Variants in TNFRSF19 observed in about 807,000 individuals in gnomAD.
TNFRSF19 encodes the protein TNF receptor superfamily member 19.
TNFRSF19 carries 27 observed loss-of-function variants against 46.4 expected under a neutral mutation model. That is an observed-to-expected ratio of 0.58 (90% CI 0.43 to 0.80). The LOEUF is 0.80. Ranked by LOEUF, TNFRSF19 falls within the 30% of genes least tolerant of loss-of-function variation. The probability of loss-of-function intolerance (pLI) is 0.00; values close to 1 mark genes in which losing one functional copy is unlikely to be tolerated. For missense variants in TNFRSF19, 511 were observed against 530.8 expected (o/e 0.96, Z 0.37); for synonymous variants, 204 against 205.0 (o/e 1.00, Z 0.04).
At chr13:23,651,604 G>T (rs1324646890) in intron 5 of TNFRSF19, among the ~76,000 whole-genome samples, 2 of 152,120 alleles carry the variant, frequency 1.3e-5, no homozygotes, top group African/African-American at 2.4e-5. Context: ...CTCATTTTAT[G>T]ATACCACATA....
At chr13:23,587,286 G>A (rs1878912880) in intron 1 of TNFRSF19, among the ~76,000 whole-genome samples, 1 of 151,958 alleles carries the variant, frequency 6.6e-6, no homozygotes, top group Non-Finnish European at 1.5e-5. Flanking sequence ...TTTTCTGAAT[G>A]CCAAATAATT....
chr13:23,651,660 GT>G (rs1162931833), intron 5 of TNFRSF19, among the ~76,000 whole-genome samples: 2 of 151,982 alleles, frequency 1.3e-5, no homozygotes, highest in Non-Finnish European at 2.9e-5. Context: ...GCCATATGTT[GT>G]TTTTTACTGC....
chr13:23,661,477 A>C (rs960196544), intron 7 of TNFRSF19, among the ~76,000 whole-genome samples: 2 of 152,168 alleles, frequency 1.3e-5, no homozygotes, highest in African/African-American at 4.8e-5. Context: ...TGTCTTTGCT[A>C]TTGTGAATAG....
chr13:23,637,745 G>C (rs1882777181), intron 5 of TNFRSF19, among the ~76,000 whole-genome samples: 1 of 152,252 alleles, frequency 6.6e-6, no homozygotes, highest in Admixed American at 6.5e-5. Flanking sequence ...TCTTCAAATA[G>C]TGCAGTGAGG....
chr13:23,632,579 A>G lies in TNFRSF19; in HGVS notation c.445+5787A>G, dbSNP rs562290117. ...AGAGTTCCTTGGTTTTCTTTACTGT[A>G]TCTCTTTCTTTTTGTCAATAACATG... On this transcript the variant is annotated intron_variant, in intron 5 of 9. Coordinates refer to ENST00000248484, the MANE Select transcript of TNFRSF19 (RefSeq NM_148957.4). 5.9e-5 allele frequency among the ~76,000 whole-genome samples: 9 copies of G among 152,166 alleles called. No individual in the cohort carries two copies. In the East Asian group the frequency reaches 1.7e-3, roughly 29 times the overall value.
intron 3 of TNFRSF19, among the ~76,000 whole-genome samples, chr13:23,612,116 C>G: frequency 6.6e-6 from 1 of 152,038 alleles, no homozygotes; most frequent in Admixed American, 6.5e-5. Context: ...TTTCAGTATA[C>G]GAATGATAAA....
intron 5 of TNFRSF19, among the ~76,000 whole-genome samples, chr13:23,628,316 C>T (rs968852380): frequency 1.1e-4 from 16 of 152,116 alleles, no homozygotes; most frequent in Non-Finnish European, 1.5e-4. Context: ...TTAAAGAAAA[C>T]GCTAAAAATC....
chr13:23,628,709 G>A (rs1393792901), intron 5 of TNFRSF19, among the ~76,000 whole-genome samples: 3 of 151,972 alleles, frequency 2.0e-5, no homozygotes, highest in African/African-American at 4.8e-5. Flanking sequence ...GTCTTGTGAC[G>A]TCCTTACTAA....
intron 3 of TNFRSF19, among the ~76,000 whole-genome samples, chr13:23,611,229 GGAACAGCA>G (rs1332746601): frequency 1.3e-5 from 2 of 152,094 alleles, no homozygotes; most frequent in East Asian, 3.8e-4. Flanking sequence ...ACTGGACAGT[GGAACAGCA>G]GATTTTACTC....
At chr13:23,640,944 T>C (rs1439303400) in intron 5 of TNFRSF19, among the ~76,000 whole-genome samples, 2 of 152,248 alleles carry the variant, frequency 1.3e-5, no homozygotes, top group Non-Finnish European at 2.9e-5. Context: ...TGTTTCTTAA[T>C]GTTCATTAAT....
chr13:23,626,594 C>G (rs1882027189), intron 4 of TNFRSF19, 113 bp from the exon 5 acceptor site: 2 of 908,004 alleles, frequency 2.2e-6, no homozygotes, highest in South Asian at 3.3e-5. Context: ...ATTATTTAAG[C>G]CTCTGTGTAC....
Position 23,614,746 on chromosome 13 carries a change from C to CATATATATATATATATATATAT in TNFRSF19, c.181-1119_181-1098dup, listed in dbSNP as rs59117822. ...AGCCGCTTCCTGTGGATAAGTAATA[C>CATATATATATATATATATATAT]ATATATATATATATATATATATAGT... On this transcript the variant is annotated intron_variant, in intron 3 of 9. Coordinates refer to ENST00000248484, the MANE Select transcript of TNFRSF19 (RefSeq NM_148957.4). 5.2e-3 allele frequency among the ~76,000 whole-genome samples: 697 copies of CATATATATATATATATATATAT among 134,676 alleles called. 11 individuals carry two copies. The highest frequency in any genetic ancestry group is 8.8e-3 in the African/African-American group (312 of 35,466). The allele number at this position is 134,676 out of a possible 152,430, so 88.4% of individuals were successfully genotyped here.
At chr13:23,634,458 A>G (rs763205185) in intron 5 of TNFRSF19, among the ~76,000 whole-genome samples, 3 of 152,188 alleles carry the variant, frequency 2.0e-5, no homozygotes, top group Non-Finnish European at 4.4e-5. Flanking sequence ...AAAGGGCATC[A>G]CTAAATTAAA....
chr13:23,670,994 T>C (rs1301125475), intron 9 of TNFRSF19, among the ~76,000 whole-genome samples: 1 of 152,246 alleles, frequency 6.6e-6, no homozygotes, highest in Non-Finnish European at 1.5e-5. Flanking sequence ...TTGCCAAGAC[T>C]AAGGAATGAA....
chr13:23,592,154 G>A (rs1752323049), intron 2 of TNFRSF19, among the ~76,000 whole-genome samples: 1 of 152,136 alleles, frequency 6.6e-6, no homozygotes, highest in Admixed American at 6.5e-5. Flanking sequence ...AGGTGGAGAA[G>A]GTTTGTACAG....
chr13:23,595,829 TAAAGGAAA>T (rs1286970354), intron 3 of TNFRSF19, among the ~76,000 whole-genome samples: 3 of 151,510 alleles, frequency 2.0e-5, no homozygotes, highest in Admixed American at 2.0e-4. Flanking sequence ...AAGGTTGAAA[TAAAGGAAA>T]AAATGTTAAG....
chr13:23,605,716 G>A (rs191019906), intron 3 of TNFRSF19, among the ~76,000 whole-genome samples: 130 of 152,286 alleles, frequency 8.5e-4, no homozygotes, highest in African/African-American at 3.0e-3. Flanking sequence ...GGAAAAGTCT[G>A]CTTCCTGTAT....
At position 23,582,269 on chromosome 13, in the gene TNFRSF19, C is replaced by T. The variant is rs866377156; in HGVS notation, c.-34-7881C>T. 5.0e-4 allele frequency among the ~76,000 whole-genome samples: 74 copies of T among 147,650 alleles called. 1 individual carries two copies. Among genetic ancestry groups the T allele is most frequent in the Non-Finnish European group, 8.9e-4 (60 of 67,318 alleles). ...AAAAAAAATTAGCCGGGCGTGGTGG[C>T]GGGCGCCTGTAGTCCCAGCTACTCG... On this transcript the variant is annotated intron_variant, in intron 1 of 9. Coordinates refer to ENST00000248484, the MANE Select transcript of TNFRSF19 (RefSeq NM_148957.4).
chr13:23,593,522 TTTGAG>T, intron 3 of TNFRSF19, 67 bp downstream of exon 3: 1 of 1,035,160 alleles, frequency 9.7e-7, no homozygotes, highest in Non-Finnish European at 1.5e-6. Context: ...AACTCAATTC[TTTGAG>T]TTAATTATTA....
Sources: gnomAD v4.1 joint callset for allele counts (sites outside exome capture counted in the v4.1 genomes callset) on GRCh38, gnomAD v4.1.1 for gene constraint, MANE v1.5 for transcripts, NCBI Gene and HGNC (gene_info 2026-07-23, HGNC 2026-07-21) for gene names.